The following PTPRN2 variants were observed in gnomAD, a reference collection of about 807,000 sequenced individuals.
PTPRN2 encodes the protein receptor-type tyrosine-protein phosphatase N2.
A neutral mutation model predicts 118.8 loss-of-function variants in PTPRN2; 74 were observed. The observed-to-expected ratio is 0.62, with a 90% CI of 0.52 to 0.76. PTPRN2 has a LOEUF of 0.76. Among genes scored for constraint, PTPRN2 ranks in the 30% least tolerant of loss-of-function variants. PTPRN2 has a pLI of 0.00. For missense variants in PTPRN2, 1,481 were observed against 1,394.4 expected (o/e 1.06, Z -0.99); for synonymous variants, 641 against 608.0 (o/e 1.05, Z -0.80).
chr7:158,027,711 A>G (rs1423739073), intron 11 of PTPRN2: 2 of 152,262 alleles, frequency 1.3e-5, no homozygotes, highest in East Asian at 1.9e-4. Context: ...AGAAAGCAAG[A>G]CAGAGTTTGG....
chr7:157,991,783 A>G (rs555663529), intron 11 of PTPRN2, among the ~76,000 whole-genome samples: 4 of 149,826 alleles, frequency 2.7e-5, no homozygotes, highest in African/African-American at 1.0e-4. Flanking sequence ...GCACCAAGCA[A>G]GAGTGAGATT....
At chr7:157,633,938 A>C (rs906978244) in intron 14 of PTPRN2, among the ~76,000 whole-genome samples, 1 of 152,248 alleles carries the variant, frequency 6.6e-6, no homozygotes, top group Non-Finnish European at 1.5e-5. Context: ...CCTGGTTCCC[A>C]GGTGGCAGTG....
intron 2 of PTPRN2, among the ~76,000 whole-genome samples, chr7:158,435,158 C>T (rs1452478766): frequency 6.6e-6 from 1 of 152,152 alleles, no homozygotes; most frequent in African/African-American, 2.4e-5. Flanking sequence ...AGTGAAAAGG[C>T]AATCTACAGA....
At chr7:158,138,618 G>A in intron 6 of PTPRN2, 103 bp from the exon 7 acceptor site, 1 of 1,093,282 alleles carries the variant, frequency 9.1e-7, no homozygotes, top group Non-Finnish European at 1.3e-6. Context: ...GCGTCCCAAG[G>A]CAGTGGCCAC....
At chr7:157,904,341 C>T (rs1310173321) in intron 11 of PTPRN2, among the ~76,000 whole-genome samples, 1 of 152,220 alleles carries the variant, frequency 6.6e-6, no homozygotes, top group Non-Finnish European at 1.5e-5. Context: ...CTCCGCAGGC[C>T]GCTTCTCAGA....
chr7:158,108,655 C>T (rs1815897356), intron 10 of PTPRN2, among the ~76,000 whole-genome samples: 1 of 152,228 alleles, frequency 6.6e-6, no homozygotes, highest in Non-Finnish European at 1.5e-5. Flanking sequence ...CTCTGGGACG[C>T]CTCCATGTGT....
chr7:158,058,715 G>A (rs372968991), intron 11 of PTPRN2, among the ~76,000 whole-genome samples: 111 of 28,584 alleles, frequency 3.9e-3, no homozygotes, highest in Admixed American at 7.4e-3. Flanking sequence ...CTGCAGCCAC[G>A]CTCCATCTGC....
At position 158,529,837 on chromosome 7, in the gene PTPRN2, C is replaced by CCA. The variant is rs908644346; in HGVS notation, c.113-40054_113-40053dup. Among the ~76,000 whole-genome samples the CCA allele has an allele frequency of 1.9e-4, 29 of 152,278 alleles. No individual in the cohort carries two copies. The highest frequency in any genetic ancestry group is 5.8e-4 in the African/African-American group (24 of 41,556). ...TCTCCTCTACACACATGGACAAACA[C>CCA]CACACACACGTGTACATCACACATG... On this transcript the variant is annotated intron_variant, in intron 1 of 22. Transcript: ENST00000389418. The surrounding 1 kb of genome is among the most constrained non-coding windows in gnomAD (Gnocchi z 4.7).
At chr7:158,407,939 C>A (rs1813732441) in intron 2 of PTPRN2, among the ~76,000 whole-genome samples, 1 of 152,232 alleles carries the variant, frequency 6.6e-6, no homozygotes, top group Non-Finnish European at 1.5e-5. Flanking sequence ...AGCTTGTGTG[C>A]AAATTCCCTT....
At chr7:157,753,960 C>T (rs1162518988) in intron 12 of PTPRN2, among the ~76,000 whole-genome samples, 2 of 152,260 alleles carry the variant, frequency 1.3e-5, no homozygotes, top group Non-Finnish European at 2.9e-5. Context: ...CCCTCCTCAT[C>T]CTGGCACCAG....
chr7:158,097,153 C>T (rs113502225), intron 10 of PTPRN2, among the ~76,000 whole-genome samples: 240 of 151,610 alleles, frequency 1.6e-3, no homozygotes, highest in Non-Finnish European at 2.8e-3. Context: ...ACTCTGCCCC[C>T]GGAAACTGAA....
chr7:158,331,600 CCACAGAGGTCACTTACAGCCAT>C (rs1804465237), intron 2 of PTPRN2, among the ~76,000 whole-genome samples: 3 of 140,564 alleles, frequency 2.1e-5, no homozygotes, highest in Admixed American at 6.9e-5. Flanking sequence ...GAGCTGAGGA[CCACAGAGGTCACTTACAGCCAT>C]ACTCTCACCA....
intron 9 of PTPRN2, among the ~76,000 whole-genome samples, chr7:158,117,587 A>G (rs1816828534): frequency 6.6e-6 from 1 of 152,224 alleles, no homozygotes; most frequent in South Asian, 2.1e-4. Flanking sequence ...GTGAACTCCA[A>G]GTAAAATTAA....
At position 157,990,282 on chromosome 7, in the gene PTPRN2, T is replaced by A. The variant is rs1804145804; in HGVS notation, c.1723+91016A>T. ...ATCATAAGCAGGATCCAGGGTCGTG[T>A]AGCGACACAGCTTCCCAAGCAGGCG... On this transcript the variant is annotated intron_variant, in intron 11 of 22. Transcript: ENST00000389418. This position sits in a 1 kb window ranked among gnomAD's most constrained non-coding sequence, Gnocchi z 4.3. Among the ~76,000 whole-genome samples, 1 of 152,000 alleles carries A rather than the reference T, an allele frequency of 6.6e-6. No homozygotes were observed. The highest frequency in any genetic ancestry group is 1.5e-5 in the Non-Finnish European group (1 of 68,004).
intron 22 of PTPRN2, among the ~76,000 whole-genome samples, chr7:157,548,238 C>G (rs963078514): frequency 6.6e-6 from 1 of 152,076 alleles, no homozygotes; most frequent in Non-Finnish European, 1.5e-5. Context: ...CAACAACAAA[C>G]AAACAACAAC....
intron 6 of PTPRN2, among the ~76,000 whole-genome samples, chr7:158,161,750 A>G (rs903484758): frequency 2.0e-5 from 3 of 152,234 alleles, no homozygotes; most frequent in Admixed American, 6.5e-5. Flanking sequence ...ATTAAAATAA[A>G]AACTAATGCT....
At chr7:158,518,983 G>A (rs1370016985) in intron 1 of PTPRN2, among the ~76,000 whole-genome samples, 2 of 152,038 alleles carry the variant, frequency 1.3e-5, no homozygotes, top group Non-Finnish European at 2.9e-5. Context: ...AAACAACTCT[G>A]TCTCTAAACA....
At chr7:157,620,100 C>T (rs1206263839) in intron 15 of PTPRN2, among the ~76,000 whole-genome samples, 3 of 152,218 alleles carry the variant, frequency 2.0e-5, no homozygotes, top group Non-Finnish European at 2.9e-5. Flanking sequence ...ACTCTACCCA[C>T]ACTGTCATTT....
chr7:158,209,338 A>T (rs1827409096), intron 3 of PTPRN2, among the ~76,000 whole-genome samples: 1 of 152,176 alleles, frequency 6.6e-6, no homozygotes, highest in East Asian at 1.9e-4. Flanking sequence ...AATATAGACT[A>T]AAAAGAAAGG....
Sources: gnomAD v4.1 joint callset for allele counts (sites outside exome capture counted in the v4.1 genomes callset) on GRCh38, gnomAD v4.1.1 for gene constraint, Gnocchi (gnomAD v3.1) non-coding constraint, MANE v1.5 for transcripts, NCBI Gene and HGNC (gene_info 2026-07-23, HGNC 2026-07-21) for gene names.